UGT8: variants seen among roughly 807,000 people sequenced by gnomAD.
UGT8 encodes the protein 2-hydroxyacylsphingosine 1-beta-galactosyltransferase.
Under a neutral mutation model 40.5 loss-of-function variants are expected in UGT8, and 12 were observed. The observed-to-expected ratio is 0.30, with a 90% CI of 0.19 to 0.48. The LOEUF (loss-of-function observed/expected upper bound fraction) is 0.48, where lower values mean the gene tolerates loss of function less well. UGT8 is among the 20% of genes least tolerant of loss of function. The pLI is 0.99. For synonymous variants in UGT8, 224 were observed against 240.4 expected (o/e 0.93, Z 0.63); for missense variants, 513 against 648.7 (o/e 0.79, Z 2.27).
At chr4:114,663,831 T>C (rs1025438510) in intron 2 of UGT8, 164 bp from the exon 3 acceptor site, 4 of 985,192 alleles carry the variant, frequency 4.1e-6, no homozygotes, top group Non-Finnish European at 3.6e-6. Flanking sequence ...TCAGATGAAA[T>C]GTTGTAAACA....
At chr4:114,626,823 G>A (rs1034170597) in intron 2 of UGT8, among the ~76,000 whole-genome samples, 1 of 152,030 alleles carries the variant, frequency 6.6e-6, no homozygotes, top group Non-Finnish European at 1.5e-5. Flanking sequence ...GCAGTTTTTT[G>A]AATCTTATTT....
chr4:114,668,346 C>G (rs1357616047), intron 5 of UGT8, 42 bp downstream of exon 5: 1 of 1,529,560 alleles, frequency 6.5e-7, no homozygotes, highest in Non-Finnish European at 9.0e-7. Flanking sequence ...ACTTACATAC[C>G]ACAGTATATT....
intron 2 of UGT8, chr4:114,656,689 C>T: frequency 2.3e-6 from 1 of 432,602 alleles, no homozygotes; most frequent in South Asian, 1.8e-5. Context: ...AGAGGAGATA[C>T]TTTGTTGTGA....
chr4:114,655,449 T>G (rs1156305498), intron 2 of UGT8, among the ~76,000 whole-genome samples: 1 of 152,088 alleles, frequency 6.6e-6, no homozygotes, highest in Admixed American at 6.6e-5. Context: ...TGTTACTTGG[T>G]GGTAATGCTT....
chr4:114,610,095 T>C (rs1351824348), intron 1 of UGT8, among the ~76,000 whole-genome samples: 3 of 152,190 alleles, frequency 2.0e-5, no homozygotes, highest in Non-Finnish European at 4.4e-5. Flanking sequence ...CAATAAAAAG[T>C]CAAACTATTA....
chr4:114,649,773 T>C (rs1381563896), intron 2 of UGT8, among the ~76,000 whole-genome samples: 1 of 152,122 alleles, frequency 6.6e-6, no homozygotes, highest in Non-Finnish European at 1.5e-5. Context: ...GGAGGAAGTG[T>C]CTTCCACAAT....
chr4:114,606,972 C>G (rs1389954569), intron 1 of UGT8, among the ~76,000 whole-genome samples: 1 of 152,116 alleles, frequency 6.6e-6, no homozygotes, highest in African/African-American at 2.4e-5. Context: ...CTGAAGTTTA[C>G]TAGGAATATT....
intron 1 of UGT8, among the ~76,000 whole-genome samples, chr4:114,621,944 A>G: frequency 6.6e-6 from 1 of 151,412 alleles, no homozygotes; most frequent in East Asian, 1.9e-4. Flanking sequence ...ATAATACTAT[A>G]GAATGCATTC....
intron 1 of UGT8, among the ~76,000 whole-genome samples, chr4:114,615,397 C>T (rs1283664496): frequency 2.0e-5 from 3 of 152,260 alleles, no homozygotes; most frequent in Admixed American, 6.5e-5. Flanking sequence ...AGCTCGTCCC[C>T]GTGTGCCCAA....
rs1467636517 is a variant in UGT8, at chr4:114,665,848, C to T, written c.1042+92C>T. ...TTTTTTTTTACTTCAGAGGTTCATA[C>T]GGTATACGGTATGTATGTAGTATAT... On this transcript the variant is annotated intron_variant, in intron 4 of 5. Coordinates refer to ENST00000310836, the MANE Select transcript of UGT8 (RefSeq NM_001128174.3). 6.2e-5 allele frequency: 59 copies of T among 944,178 alleles called. No homozygotes were observed. The Admixed American group carries it at 1.2e-3, about 20-fold the overall frequency. 58.5% of individuals were successfully genotyped at this position (944,178 alleles called of 1,614,324 possible). A position where few individuals can be genotyped will look rare whatever the true frequency, so the allele number is the denominator to read the frequency against.
At chr4:114,624,397 G>A (rs1732054457) in intron 2 of UGT8, among the ~76,000 whole-genome samples, 1 of 152,008 alleles carries the variant, frequency 6.6e-6, no homozygotes, top group Admixed American at 6.6e-5. Context: ...TTTTTATTAG[G>A]TATCCCACAT....
intron 5 of UGT8, among the ~76,000 whole-genome samples, chr4:114,672,307 T>C (rs891038349): frequency 2.6e-5 from 4 of 152,144 alleles, no homozygotes; most frequent in African/African-American, 9.7e-5. Context: ...GACCCAGCAA[T>C]CCCAGTACTG....
intron 2 of UGT8, among the ~76,000 whole-genome samples, chr4:114,627,518 A>G: frequency 6.6e-6 from 1 of 152,096 alleles, no homozygotes; most frequent in East Asian, 1.9e-4. Context: ...TCGGCCTCCC[A>G]AAGTGCTGGG....
chr4:114,666,923 G>C (rs561075978), intron 4 of UGT8, among the ~76,000 whole-genome samples: 1 of 152,010 alleles, frequency 6.6e-6, no homozygotes, highest in South Asian at 2.1e-4. Context: ...AGATTCTTCC[G>C]GGATGAGAAG....
chr4:114,637,430 T>C (rs937673067), intron 2 of UGT8, among the ~76,000 whole-genome samples: 1 of 152,222 alleles, frequency 6.6e-6, no homozygotes, highest in African/African-American at 2.4e-5. Context: ...AGTAATGAAG[T>C]TGCGATTTCC....
At chr4:114,655,156 G>A (rs904304534) in intron 2 of UGT8, among the ~76,000 whole-genome samples, 5 of 151,042 alleles carry the variant, frequency 3.3e-5, no homozygotes, top group Non-Finnish European at 7.4e-5. Flanking sequence ...AATAAAAATC[G>A]ATTATCTAGA....
intron 5 of UGT8, among the ~76,000 whole-genome samples, chr4:114,670,430 C>CAAAAAAAA (rs70964319): frequency 5.2e-5 from 3 of 57,328 alleles, no homozygotes; most frequent in African/African-American, 9.6e-5. Context: ...GACTCTGTCT[C>CAAAAAAAA]AAAAAAAAAA....
intron 1 of UGT8, chr4:114,619,452 C>T (rs1343489713): frequency 6.6e-6 from 1 of 151,818 alleles, no homozygotes; most frequent in Non-Finnish European, 1.5e-5. Context: ...CTGTGGATTC[C>T]TTTGTGAATA....
chr4:114,627,061 A>G (rs1732272088), intron 2 of UGT8, among the ~76,000 whole-genome samples: 5 of 152,206 alleles, frequency 3.3e-5, no homozygotes. Flanking sequence ...CTTATCATCT[A>G]CTACCTGGCT....
Sources: gnomAD v4.1 joint callset for allele counts (sites outside exome capture counted in the v4.1 genomes callset) on GRCh38, gnomAD v4.1.1 for gene constraint, MANE v1.5 for transcripts, NCBI Gene and HGNC (gene_info 2026-07-23, HGNC 2026-07-21) for gene names.